The following IL17RA variants were observed in gnomAD, a reference collection of about 807,000 sequenced individuals.
IL17RA encodes interleukin 17 receptor A.
In IL17RA, 34 loss-of-function variants were observed where a neutral mutation model predicts 50.4. The ratio of observed to expected loss-of-function variants is 0.67; its 90% CI spans 0.51 to 0.90. The LOEUF (loss-of-function observed/expected upper bound fraction) is 0.90, where lower values mean the gene tolerates loss of function less well. Ranked by LOEUF, IL17RA falls within the 40% of genes least tolerant of loss-of-function variation. IL17RA has a pLI of 0.00. For synonymous variants in IL17RA, 585 were observed against 510.4 expected (o/e 1.15, Z -1.97); for missense variants, 1,276 against 1,169.8 (o/e 1.09, Z -1.32).
At chr22:17,098,020 G>A in intron 3 of IL17RA, 77 bp downstream of exon 3, 1 of 1,572,312 alleles carries the variant, frequency 6.4e-7, no homozygotes, top group Non-Finnish European at 8.7e-7. Flanking sequence ...CTCAGGATTG[G>A]GCTCCCAGTC....
At chr22:17,094,368 T>G (rs2061358262) in intron 1 of IL17RA, among the ~76,000 whole-genome samples, 1 of 152,020 alleles carries the variant, frequency 6.6e-6, no homozygotes, top group South Asian at 2.1e-4. Context: ...TTTTGTCCAC[T>G]GAGTTTGGCT....
At chr22:17,091,540 G>C (rs532996719) in intron 1 of IL17RA, among the ~76,000 whole-genome samples, 1 of 152,066 alleles carries the variant, frequency 6.6e-6, no homozygotes, top group Non-Finnish European at 1.5e-5. Flanking sequence ...TTAGCCAGGC[G>C]TGGTGGTGGC....
intron 8 of IL17RA, among the ~76,000 whole-genome samples, chr22:17,103,962 T>C (rs1419630909): frequency 1.2e-4 from 1 of 8,532 alleles, no homozygotes; most frequent in African/African-American, 1.1e-3. Context: ...GTGGTGTGGC[T>C]GGGAGTGGGG....
Position 17,109,563 on chromosome 22 carries a change from T to G in IL17RA, c.2344T>G (p.Tyr782Asp). The G allele has an allele frequency of 6.2e-7, 1 of 1,600,304 alleles. No homozygotes were observed. The highest frequency in any genetic ancestry group is 1.1e-5 in the South Asian group (1 of 89,298). ...AMVLTDPHTPYEEEQRQSVQS... is the reference protein window; with the variant it reads ...AMVLTDPHTPDEEEQRQSVQS... ...GGTCCTCACAGACCCACACACGCCC[T>G]ACGAGGAGGAGCAGCGGCAGTCAGT... is the stretch of plus-strand genomic sequence containing the variant. Residue 782 changes from tyrosine to aspartate, a missense_variant, in exon 13 of 13, where the codon TAC becomes GAC. Transcript: ENST00000319363.
intron 1 of IL17RA, among the ~76,000 whole-genome samples, chr22:17,090,384 TCTTA>T (rs951579207): frequency 2.6e-5 from 4 of 152,270 alleles, no homozygotes; most frequent in Non-Finnish European, 4.4e-5. Flanking sequence ...CATTCATTTA[TCTTA>T]CTTTTCAGTC....
At chr22:17,095,938 C>T (rs1201249706) in intron 1 of IL17RA, among the ~76,000 whole-genome samples, 4 of 152,192 alleles carry the variant, frequency 2.6e-5, no homozygotes, top group Non-Finnish European at 5.9e-5. Context: ...ACCCTGGTGG[C>T]ACGGGGTCTT....
chr22:17,106,193 T>G (rs1468484087), intron 11 of IL17RA, among the ~76,000 whole-genome samples: 7 of 152,260 alleles, frequency 4.6e-5, no homozygotes, highest in South Asian at 4.1e-4. Flanking sequence ...AAATGTAGTA[T>G]TATTAAAATC....
intron 4 of IL17RA, 100 bp from the exon 5 acceptor site, chr22:17,100,255 C>T: frequency 7.0e-7 from 1 of 1,420,740 alleles, no homozygotes; most frequent in Non-Finnish European, 9.9e-7. Flanking sequence ...TTATTTTTGG[C>T]TGAATATTCG....
At chr22:17,094,430 A>G (rs902029871) in intron 1 of IL17RA, among the ~76,000 whole-genome samples, 1 of 151,558 alleles carries the variant, frequency 6.6e-6, no homozygotes, top group Non-Finnish European at 1.5e-5. Context: ...TAATTGTTAT[A>G]TTGTTTGGAG....
chr22:17,101,855 G>T, intron 5 of IL17RA, 141 bp from the exon 6 acceptor site: 1 of 978,488 alleles, frequency 1.0e-6, no homozygotes, highest in Non-Finnish European at 1.6e-6. Context: ...GGTGGGTCCA[G>T]CCCTGGAGCT....
rs958175312 is a variant in IL17RA, at chr22:17,098,904, T to C, written c.423+17T>C. The C allele has an allele frequency of 8.8e-6, 14 of 1,589,556 alleles. No homozygotes were observed. Among genetic ancestry groups the C allele is most frequent in the Non-Finnish European group, 1.2e-5 (14 of 1,157,728 alleles). ...CACAGGCGGGTAAGAACACAGCTCC[T>C]GAGTGGATTATGTTCCACTGATGAC... On this transcript the variant is annotated intron_variant, in intron 4 of 12. Coordinates refer to ENST00000319363, the MANE Select transcript of IL17RA (RefSeq NM_014339.7).
At chr22:17,093,027 T>C (rs2061353346) in intron 1 of IL17RA, among the ~76,000 whole-genome samples, 1 of 152,212 alleles carries the variant, frequency 6.6e-6, no homozygotes, top group East Asian at 1.9e-4. Context: ...TCTTCGGGGC[T>C]ATAATAATTT....
intron 11 of IL17RA, among the ~76,000 whole-genome samples, chr22:17,106,226 TAA>T (rs2061414218): frequency 6.6e-6 from 1 of 152,008 alleles, no homozygotes; most frequent in Admixed American, 6.6e-5. Flanking sequence ...GGAGCCGGAG[TAA>T]AGTTTCCCTG....
chr22:17,111,836 T>C lies in IL17RA; in HGVS notation c.*2016T>C, dbSNP rs2061444290. ...GGAAGGTCGAGCCACTTACTGTAGG[T>C]CAAGAAGTTGCTAGTTGCGGAGTTT... On this transcript the variant is annotated 3_prime_UTR_variant, in exon 13 of 13. Coordinates refer to ENST00000319363, the MANE Select transcript of IL17RA (RefSeq NM_014339.7). 6.6e-6 allele frequency: 1 copy of C among 152,172 alleles called. No individual in the cohort carries two copies. The highest frequency in any genetic ancestry group is 2.4e-5 in the African/African-American group (1 of 41,428). 9.4% of individuals were successfully genotyped at this position (152,172 alleles called of 1,614,324 possible).
chr22:17,088,809 A>C (rs191220578), intron 1 of IL17RA, among the ~76,000 whole-genome samples: 33 of 145,784 alleles, frequency 2.3e-4, no homozygotes, highest in Non-Finnish European at 3.6e-4. Flanking sequence ...TTTTATTTTT[A>C]TTTTGAGACA....
Position 17,098,644 on chromosome 22 carries a change from T to A in IL17RA, c.311-131T>A, listed in dbSNP as rs1447307060. 21 of 729,066 alleles carry A rather than the reference T, an allele frequency of 2.9e-5. No homozygotes were observed. The African/African-American group carries it at 3.5e-4, about 12-fold the overall frequency. 45.2% of individuals were successfully genotyped at this position (729,066 alleles called of 1,614,324 possible). Reference sequence around the variant, plus strand: ...AGAGAGTGAACTGAAAGGAACAGGATGTGGAGAGTTGGGTAAGACGGCAGA... The same window carrying A: ...AGAGAGTGAACTGAAAGGAACAGGAAGTGGAGAGTTGGGTAAGACGGCAGA... On this transcript the variant is annotated intron_variant, in intron 3 of 12. Transcript: ENST00000319363.
At chr22:17,094,323 A>G (rs2061358102) in intron 1 of IL17RA, among the ~76,000 whole-genome samples, 1 of 152,136 alleles carries the variant, frequency 6.6e-6, no homozygotes, top group South Asian at 2.1e-4. Flanking sequence ...TGCTGGGGCC[A>G]AGTTGGAAAG....
chr22:17,107,822 T>C (rs1267093869), intron 12 of IL17RA, 54 bp downstream of exon 12: 1 of 1,535,198 alleles, frequency 6.5e-7, no homozygotes. Flanking sequence ...TGGAGGGTTC[T>C]CCTGGGATAA....
chr22:17,095,777 G>A (rs1199953285), intron 1 of IL17RA, among the ~76,000 whole-genome samples: 1 of 152,142 alleles, frequency 6.6e-6, no homozygotes, highest in Non-Finnish European at 1.5e-5. Flanking sequence ...TGCTAGCCCG[G>A]GACCTGTAGG....
Sources: gnomAD v4.1 joint callset for allele counts (sites outside exome capture counted in the v4.1 genomes callset) on GRCh38, gnomAD v4.1.1 for gene constraint, MANE v1.5 for transcripts, NCBI Gene and HGNC (gene_info 2026-07-23, HGNC 2026-07-21) for gene names.